RABGAP1L: variants seen among roughly 807,000 people sequenced by gnomAD.
RABGAP1L encodes the protein rab GTPase-activating protein 1-like.
RABGAP1L carries 63 observed loss-of-function variants against 137.7 expected under a neutral mutation model. The ratio of observed to expected loss-of-function variants is 0.46; its 90% CI spans 0.37 to 0.56. The LOEUF is 0.56. Ranked by LOEUF, RABGAP1L falls within the 20% of genes least tolerant of loss-of-function variation. The pLI is 0.00. For synonymous variants in RABGAP1L, 431 were observed against 433.7 expected, an observed-to-expected ratio of 0.99 and a Z score of 0.08; for missense variants, 1,095 against 1,244.0, an observed-to-expected ratio of 0.88 and a Z score of 1.80.
intron 18 of RABGAP1L, chr1:174,800,450 C>T (rs1411741954): frequency 1.9e-6 from 3 of 1,550,924 alleles, no homozygotes; most frequent in Admixed American, 3.9e-5. Context: ...GTGTCGAGTG[C>T]TGGAACTTCT....
intron 13 of RABGAP1L, among the ~76,000 whole-genome samples, chr1:174,536,602 G>A (rs1001545677): frequency 5.9e-5 from 9 of 152,030 alleles, no homozygotes; most frequent in Non-Finnish European, 2.9e-5. Flanking sequence ...AAAATTTTTA[G>A]ATCAAGCTGA....
chr1:174,197,693 G>A (rs1002149987), intron 1 of RABGAP1L, among the ~76,000 whole-genome samples: 1 of 151,972 alleles, frequency 6.6e-6, no homozygotes, highest in African/African-American at 2.4e-5. Flanking sequence ...TCAGCCACTC[G>A]GGTGGCTGAG....
intron 13 of RABGAP1L, among the ~76,000 whole-genome samples, chr1:174,477,608 T>C (rs1658636423): frequency 6.6e-6 from 1 of 152,174 alleles, no homozygotes. Context: ...ACTGGACATC[T>C]GGACATCTTT....
At chr1:174,817,188 T>C (rs1690526363) in intron 19 of RABGAP1L, among the ~76,000 whole-genome samples, 1 of 152,194 alleles carries the variant, frequency 6.6e-6, no homozygotes, top group Admixed American at 6.5e-5. Context: ...CTTTTTAAAA[T>C]ATGTTAGTTT....
chr1:174,497,307 A>G (rs1351827132), intron 13 of RABGAP1L, among the ~76,000 whole-genome samples: 1 of 152,208 alleles, frequency 6.6e-6, no homozygotes, highest in Non-Finnish European at 1.5e-5. Context: ...AGTGTTTATT[A>G]TGTATCCAGC....
chr1:174,724,257 A>G (rs993121562), intron 17 of RABGAP1L, among the ~76,000 whole-genome samples: 2 of 152,366 alleles, frequency 1.3e-5, no homozygotes, highest in South Asian at 2.1e-4. Flanking sequence ...CATAGAATAC[A>G]TTAATGTGTT....
intron 18 of RABGAP1L, among the ~76,000 whole-genome samples, chr1:174,769,802 G>A (rs577455808): frequency 3.9e-5 from 6 of 152,034 alleles, no homozygotes; most frequent in Non-Finnish European, 7.4e-5. Context: ...GCAGTGAGCC[G>A]AGATCACGCC....
chr1:174,397,874 A>T (rs535688922), intron 13 of RABGAP1L, among the ~76,000 whole-genome samples: 72 of 152,276 alleles, frequency 4.7e-4, no homozygotes, highest in African/African-American at 1.6e-3. Flanking sequence ...GTAGATCCTC[A>T]CAGACTTCCT....
chr1:174,281,746 T>C (rs1198944205), intron 10 of RABGAP1L, among the ~76,000 whole-genome samples: 2 of 152,210 alleles, frequency 1.3e-5, no homozygotes, highest in African/African-American at 4.8e-5. Flanking sequence ...GTAGTTAGCA[T>C]ACAGTAATAT....
intron 13 of RABGAP1L, among the ~76,000 whole-genome samples, chr1:174,544,481 C>G (rs1233111553): frequency 6.6e-6 from 1 of 152,134 alleles, no homozygotes; most frequent in Non-Finnish European, 1.5e-5. Flanking sequence ...GCTCTTTATT[C>G]TAGTTAGCCA....
At chr1:174,942,072 G>T (rs550227756) in intron 19 of RABGAP1L, among the ~76,000 whole-genome samples, 1 of 152,310 alleles carries the variant, frequency 6.6e-6, no homozygotes, top group Admixed American at 6.5e-5. Context: ...GAGCCAATGT[G>T]TGAGTTCTTA....
At chr1:174,813,863 TA>T (rs753140014) in intron 19 of RABGAP1L, among the ~76,000 whole-genome samples, 18 of 152,210 alleles carry the variant, frequency 1.2e-4, no homozygotes, top group Non-Finnish European at 2.1e-4. Flanking sequence ...AGAAGTATTG[TA>T]AATTGGGTCA....
chr1:174,963,815 C>A (rs189405564), intron 20 of RABGAP1L, among the ~76,000 whole-genome samples: 1 of 151,958 alleles, frequency 6.6e-6, no homozygotes, highest in Non-Finnish European at 1.5e-5. Flanking sequence ...ATAGACCATG[C>A]GACCTGCAAA....
chr1:174,671,448 G>A (rs945674463), intron 14 of RABGAP1L, among the ~76,000 whole-genome samples: 1 of 152,148 alleles, frequency 6.6e-6, no homozygotes, highest in African/African-American at 2.4e-5. Flanking sequence ...CTATGGGTTT[G>A]TCATATATGG....
At chr1:174,695,155 A>G (rs1388930019) in intron 15 of RABGAP1L, among the ~76,000 whole-genome samples, 2 of 152,062 alleles carry the variant, frequency 1.3e-5, no homozygotes, top group Non-Finnish European at 2.9e-5. Flanking sequence ...AGGTTTATGC[A>G]TCACTTTTCA....
At chr1:174,288,356 C>G (rs192894855) in intron 10 of RABGAP1L, among the ~76,000 whole-genome samples, 11 of 152,218 alleles carry the variant, frequency 7.2e-5, no homozygotes, top group African/African-American at 2.6e-4. Context: ...TTCATTTCAA[C>G]TTGAAGAACT....
At chr1:174,321,223 C>G (rs1038890904) in intron 11 of RABGAP1L, among the ~76,000 whole-genome samples, 1 of 152,172 alleles carries the variant, frequency 6.6e-6, no homozygotes, top group Non-Finnish European at 1.5e-5. Context: ...ACTCTGTCTC[C>G]TGATAAGATG....
intron 13 of RABGAP1L, among the ~76,000 whole-genome samples, chr1:174,527,441 A>G (rs1015264320): frequency 4.6e-5 from 7 of 152,034 alleles, no homozygotes; most frequent in Admixed American, 1.3e-4. Context: ...TCCTGACCTC[A>G]GGTGATCCGC....
At chr1:174,949,672 G>A (rs1667428721) in intron 19 of RABGAP1L, among the ~76,000 whole-genome samples, 2 of 152,152 alleles carry the variant, frequency 1.3e-5, no homozygotes, top group Admixed American at 1.3e-4. Flanking sequence ...GTTCTGGGCA[G>A]AAAACTATAA....
Sources: allele counts gnomAD v4.1 joint callset (sites outside exome capture counted in the v4.1 genomes callset), GRCh38; gene constraint gnomAD v4.1.1; transcripts MANE v1.5; gene names NCBI Gene and HGNC (gene_info 2026-07-23, HGNC 2026-07-21).